Variants in ARHGEF7 observed in about 807,000 individuals in gnomAD.
ARHGEF7 encodes the protein Rho guanine nucleotide exchange factor 7.
A neutral mutation model predicts 109.8 loss-of-function variants in ARHGEF7; 33 were observed. The ratio of observed to expected loss-of-function variants is 0.30; its 90% CI spans 0.23 to 0.40. The LOEUF (loss-of-function observed/expected upper bound fraction) is 0.40. Among genes scored for constraint, ARHGEF7 ranks in the 10% least tolerant of loss-of-function variants. The probability of loss-of-function intolerance (pLI) is 1.00; values close to 1 mark genes in which losing one functional copy is unlikely to be tolerated. For synonymous variants in ARHGEF7, 458 were observed against 424.6 expected (o/e 1.08, Z -0.97); for missense variants, 938 against 1,098.5 (o/e 0.85, Z 2.07).
chr13:111,208,165 C>A (rs372705180), intron 3 of ARHGEF7, among the ~76,000 whole-genome samples: 23 of 152,306 alleles, frequency 1.5e-4, no homozygotes, highest in African/African-American at 5.5e-4. Context: ...CTCGGCCTCC[C>A]GAGTAGCTGG....
chr13:111,149,370 T>G (rs186307177), intron 1 of ARHGEF7, among the ~76,000 whole-genome samples: 2 of 152,018 alleles, frequency 1.3e-5, no homozygotes, highest in African/African-American at 2.4e-5. Context: ...ATAATAGTTG[T>G]GTTAACTCAG....
At chr13:111,293,790 G>C (rs1378338407) in intron 19 of ARHGEF7, 2 of 985,152 alleles carry the variant, frequency 2.0e-6, no homozygotes, top group Admixed American at 6.2e-5. Flanking sequence ...CCACTCCTTC[G>C]CCAAACCCAC....
chr13:111,131,340 G>A lies in ARHGEF7; in HGVS notation c.165+15649G>A, dbSNP rs371292362. Among the ~76,000 whole-genome samples, 257 of 152,180 alleles carry A rather than the reference G, an allele frequency of 1.7e-3. 3 individuals carry two copies. The highest frequency in any genetic ancestry group is 5.1e-3 in the African/African-American group (210 of 41,522). On this transcript the variant is annotated intron_variant, in intron 1 of 21. Transcript: ENST00000646102. The surrounding 1 kb of genome is among the most constrained non-coding windows in gnomAD (Gnocchi z 4.4). ...GGTTGCACAACAGGATAGATGGGGC[G>A]GTCGCCTGTGCTGGAGCCCTGGGCG...
At chr13:111,234,251 A>G (rs2153528835) in intron 6 of ARHGEF7, among the ~76,000 whole-genome samples, 1 of 152,254 alleles carries the variant, frequency 6.6e-6, no homozygotes, top group East Asian at 1.9e-4. Flanking sequence ...GGAAACGGTG[A>G]AAAGGTGTGG....
chr13:111,119,046 G>A (rs2066994702), intron 1 of ARHGEF7, among the ~76,000 whole-genome samples: 1 of 152,202 alleles, frequency 6.6e-6, no homozygotes, highest in Admixed American at 6.5e-5. Flanking sequence ...AGGGCCTCGT[G>A]CCCTCAGAAG....
intron 8 of ARHGEF7, among the ~76,000 whole-genome samples, chr13:111,246,697 A>G (rs947320582): frequency 6.6e-6 from 1 of 152,198 alleles, no homozygotes; most frequent in Admixed American, 6.5e-5. Flanking sequence ...CTTGGGAATC[A>G]CTTTGATTTT....
At chr13:111,161,066 A>G (rs1407783523) in intron 2 of ARHGEF7, among the ~76,000 whole-genome samples, 1 of 152,104 alleles carries the variant, frequency 6.6e-6, no homozygotes, top group Non-Finnish European at 1.5e-5. Context: ...AGTGTTTTGG[A>G]TTTTCAGGAT....
intron 5 of ARHGEF7, among the ~76,000 whole-genome samples, chr13:111,230,970 T>C (rs1290266675): frequency 6.6e-6 from 1 of 152,268 alleles, no homozygotes; most frequent in African/African-American, 2.4e-5. Context: ...AATTGAATTT[T>C]ATTAACTGTG....
Position 111,145,873 on chromosome 13 carries a change from G to C in ARHGEF7, c.166-8032G>C, listed in dbSNP as rs1028170208. Among the ~76,000 whole-genome samples the C allele has an allele frequency of 6.6e-6, 1 of 152,204 alleles. No individual in the cohort carries two copies. The highest frequency in any genetic ancestry group is 1.5e-5 in the Non-Finnish European group (1 of 68,042). On this transcript the variant is annotated intron_variant, in intron 1 of 21. Coordinates refer to ENST00000646102, the MANE Select transcript of ARHGEF7 (RefSeq NM_001354046.2). This position sits in a 1 kb window ranked among gnomAD's most constrained non-coding sequence, Gnocchi z 4.3. ...CTGTTTTCTCATCTGTAAAATACCA[G>C]AACTACCTCAAAAGTTTTCTGTGAC...
intron 4 of ARHGEF7, among the ~76,000 whole-genome samples, chr13:111,212,798 T>C (rs533697442): frequency 1.4e-4 from 21 of 152,350 alleles, no homozygotes; most frequent in African/African-American, 5.1e-4. Context: ...ACTTCTCTTT[T>C]TAAGTCATTT....
chr13:111,216,254 C>G (rs1474818173), intron 4 of ARHGEF7, among the ~76,000 whole-genome samples: 2 of 152,068 alleles, frequency 1.3e-5, no homozygotes, highest in Non-Finnish European at 2.9e-5. Flanking sequence ...TCCCACAAGT[C>G]CCTGGGACTG....
rs1253021687 is a variant in ARHGEF7 at position 111,181,841 on chromosome 13, G to A, written c.253-23448G>A. Reference sequence around the variant, plus strand: ...CAGGAAAGAGCTTCAGGTAGGAAGCGACCTTTGAAAGGGCAGAGGGGCCAG... The same window carrying A: ...CAGGAAAGAGCTTCAGGTAGGAAGCAACCTTTGAAAGGGCAGAGGGGCCAG... On this transcript the variant is annotated intron_variant, in intron 2 of 21. Coordinates refer to ENST00000646102, the MANE Select transcript of ARHGEF7 (RefSeq NM_001354046.2). Among the ~76,000 whole-genome samples the A allele has an allele frequency of 2.6e-5, 4 of 152,222 alleles. No homozygotes were observed. The South Asian group carries it at 6.2e-4, about 24-fold the overall frequency.
At chr13:111,292,355 C>G (rs1310300010) in intron 19 of ARHGEF7, 61 bp downstream of exon 19, 39 of 1,601,066 alleles carry the variant, frequency 2.4e-5, no homozygotes, top group Non-Finnish European at 3.2e-5. Flanking sequence ...CTTTTCTTAA[C>G]AAATGCTTGT....
At chr13:111,247,935 C>T (rs1008482866) in intron 8 of ARHGEF7, among the ~76,000 whole-genome samples, 6 of 152,214 alleles carry the variant, frequency 3.9e-5, no homozygotes, top group African/African-American at 1.2e-4. Flanking sequence ...CTAACCTCTC[C>T]ATTCCCTGTG....
At chr13:111,233,343 A>G (rs757389133) in intron 6 of ARHGEF7, 50 bp downstream of exon 6, 10 of 1,407,872 alleles carry the variant, frequency 7.1e-6, no homozygotes, top group Non-Finnish European at 1.0e-5. Flanking sequence ...GACTGCCTGT[A>G]AAACTCAGCA....
chr13:111,259,372 A>G (rs2090834927), intron 8 of ARHGEF7, among the ~76,000 whole-genome samples: 1 of 151,972 alleles, frequency 6.6e-6, no homozygotes, highest in Non-Finnish European at 1.5e-5. Flanking sequence ...AGCTCCAGCT[A>G]CTCATCTCAC....
At chr13:111,285,474 C>T (rs2092979574) in intron 16 of ARHGEF7, among the ~76,000 whole-genome samples, 1 of 152,150 alleles carries the variant, frequency 6.6e-6, no homozygotes, top group South Asian at 2.1e-4. Context: ...TTGCTTTGCT[C>T]ACTTTGTTTT....
At position 111,131,688 on chromosome 13, in the gene ARHGEF7, CAG is replaced by C. The variant is rs2074761956; in HGVS notation, c.165+15998_165+15999del. ...TAGGAGACGGGCAGTGACCTGAGGTCAGGGGACGAGAGTGCTGGTGTGTTTCT... is the reference window on the plus strand; with the variant it reads ...TAGGAGACGGGCAGTGACCTGAGGTCGGGACGAGAGTGCTGGTGTGTTTCT... On this transcript the variant is annotated intron_variant, in intron 1 of 21. Transcript: ENST00000646102. The surrounding 1 kb of genome is among the most constrained non-coding windows in gnomAD (Gnocchi z 4.4). Among the ~76,000 whole-genome samples the C allele has an allele frequency of 6.6e-6, 1 of 152,088 alleles. No individual in the cohort carries two copies. The highest frequency in any genetic ancestry group is 1.9e-4 in the East Asian group (1 of 5,186).
chr13:111,283,534 G>T, intron 16 of ARHGEF7, 171 bp downstream of exon 16: 1 of 766,958 alleles, frequency 1.3e-6, no homozygotes, highest in South Asian at 5.9e-5. Context: ...CTGCTGAGAG[G>T]CCCGTGGTAA....
Sources: gnomAD v4.1 joint callset for allele counts (sites outside exome capture counted in the v4.1 genomes callset) on GRCh38, gnomAD v4.1.1 for gene constraint, Gnocchi (gnomAD v3.1) non-coding constraint, MANE v1.5 for transcripts, NCBI Gene and HGNC (gene_info 2026-07-23, HGNC 2026-07-21) for gene names.